Variants in CNTN5 observed in about 807,000 individuals in gnomAD.
CNTN5 encodes contactin 5.
CNTN5 carries 77 observed loss-of-function variants against 129.1 expected under a neutral mutation model. The observed-to-expected ratio is 0.60, with a 90% CI of 0.50 to 0.72. The LOEUF (loss-of-function observed/expected upper bound fraction) is 0.72. CNTN5 is among the 30% of genes least tolerant of loss of function. The pLI, the probability that CNTN5 is intolerant of heterozygous loss-of-function variation, is 0.00. For synonymous variants in CNTN5, 509 were observed against 465.6 expected, an observed-to-expected ratio of 1.09 and a Z score of -1.20; for missense variants, 1,478 against 1,328.8, an observed-to-expected ratio of 1.11 and a Z score of -1.75.
chr11:99,483,174 C>CAAAA (rs34200342), intron 2 of CNTN5, among the ~76,000 whole-genome samples: 13 of 59,552 alleles, frequency 2.2e-4, no homozygotes, highest in African/African-American at 8.2e-4. Context: ...GACTCCTTCT[C>CAAAA]AAAAAAAAAA....
chr11:99,729,228 T>A (rs964227242), intron 3 of CNTN5, among the ~76,000 whole-genome samples: 1 of 151,986 alleles, frequency 6.6e-6, no homozygotes, highest in African/African-American at 2.4e-5. Flanking sequence ...AAGTGGGTGA[T>A]GGGGGTGCCT....
At chr11:99,732,986 T>C (rs1301334619) in intron 3 of CNTN5, among the ~76,000 whole-genome samples, 2 of 152,154 alleles carry the variant, frequency 1.3e-5, no homozygotes, top group African/African-American at 4.8e-5. Flanking sequence ...AGGAATTTTT[T>C]CAGCGTATGA....
intron 13 of CNTN5, among the ~76,000 whole-genome samples, chr11:100,185,327 C>T (rs909520113): frequency 6.6e-6 from 1 of 152,074 alleles, no homozygotes; most frequent in East Asian, 1.9e-4. Context: ...ACTATTGTGA[C>T]ACACCCTGAT....
chr11:99,844,725 G>C, intron 4 of CNTN5, 127 bp from the exon 5 acceptor site: 1 of 799,818 alleles, frequency 1.3e-6, no homozygotes, highest in South Asian at 1.9e-5. Context: ...TCCTTCTTTT[G>C]GGAATTTACC....
intron 8 of CNTN5, among the ~76,000 whole-genome samples, chr11:99,993,451 CAA>C (rs1939250966): frequency 6.6e-6 from 1 of 152,092 alleles, no homozygotes; most frequent in African/African-American, 2.4e-5. Flanking sequence ...CACCAGGGAT[CAA>C]CTTCATGGAG....
In CNTN5 at chr11:99,252,899, T is replaced by C. The variant is rs1051314044; in HGVS notation, c.-209-72447T>C. Among the ~76,000 whole-genome samples the C allele has an allele frequency of 3.9e-5, 6 of 152,044 alleles. No homozygotes were observed. In the East Asian group the frequency reaches 1.2e-3, roughly 29 times the overall value. The stretch of plus-strand genomic sequence containing the variant: ...ATCTTTTCTTTATGGTTTGTACATT[T>C]TGTGTCTTCTTCATTAATATTCTTA... On this transcript the variant is annotated intron_variant, in intron 1 of 24. Coordinates refer to ENST00000524871, the MANE Select transcript of CNTN5 (RefSeq NM_014361.4).
In CNTN5 at chr11:99,542,709, T is replaced by A. The variant is rs114740206; in HGVS notation, c.-70-13436T>A. 6.2e-3 allele frequency among the ~76,000 whole-genome samples: 943 copies of A among 152,312 alleles called. 8 individuals are homozygous for A. Among genetic ancestry groups the A allele is most frequent in the African/African-American group, 0.021 (873 of 41,576 alleles). ...GGAAATAAGTAGCCTGGGCCACCCC[T>A]CTTTGTACATCCAGAGCCAAGATTG... On this transcript the variant is annotated intron_variant, in intron 2 of 24. Transcript: ENST00000524871.
In CNTN5 at chr11:99,145,968, T is replaced by C. The variant is rs956329253; in HGVS notation, c.-210+124698T>C. On this transcript the variant is annotated intron_variant, in intron 1 of 24. Transcript: ENST00000524871. ...ATTTTTTTTTTAGTGGTGGTAGATT[T>C]AGGTAGGCCATTTCTTTTCTATTCT... Among the ~76,000 whole-genome samples the C allele has an allele frequency of 3.9e-5, 6 of 152,220 alleles. No individual in the cohort carries two copies. The East Asian group carries it at 1.2e-3, about 29-fold the overall frequency.
chr11:100,012,949 G>A (rs949961035), intron 9 of CNTN5, among the ~76,000 whole-genome samples: 19 of 152,072 alleles, frequency 1.2e-4, no homozygotes, highest in African/African-American at 2.4e-4. Flanking sequence ...TGGGATGATC[G>A]TAAGATCAGC....
chr11:99,453,967 T>C (rs989459173), intron 2 of CNTN5, among the ~76,000 whole-genome samples: 3 of 152,306 alleles, frequency 2.0e-5, no homozygotes, highest in Non-Finnish European at 1.5e-5. Context: ...AAATGACATA[T>C]ATTTCTTCAG....
intron 3 of CNTN5, among the ~76,000 whole-genome samples, chr11:99,781,747 G>A (rs1474191059): frequency 6.6e-6 from 1 of 152,050 alleles, no homozygotes; most frequent in Non-Finnish European, 1.5e-5. Context: ...CTCAATAGAT[G>A]CAGAAAAGGC....
chr11:99,063,556 A>C (rs10892745), intron 1 of CNTN5, among the ~76,000 whole-genome samples: 2 of 151,710 alleles, frequency 1.3e-5, no homozygotes, highest in African/African-American at 2.4e-5. Context: ...AAATAAACGC[A>C]TGAGCATATG....
At chr11:99,117,613 A>G (rs1306435274) in intron 1 of CNTN5, among the ~76,000 whole-genome samples, 1 of 152,174 alleles carries the variant, frequency 6.6e-6, no homozygotes, top group Non-Finnish European at 1.5e-5. Context: ...TCCAAAATTC[A>G]TAGGTAGAAG....
chr11:99,951,841 A>G (rs1207756037), intron 7 of CNTN5, among the ~76,000 whole-genome samples: 1 of 152,156 alleles, frequency 6.6e-6, no homozygotes, highest in East Asian at 1.9e-4. Flanking sequence ...GAAAATTTGT[A>G]ATGAAGTTTA....
chr11:99,119,464 A>C (rs759619001), intron 1 of CNTN5, among the ~76,000 whole-genome samples: 1 of 152,162 alleles, frequency 6.6e-6, no homozygotes, highest in East Asian at 1.9e-4. Flanking sequence ...TTCAAAGGAC[A>C]TGATCTCATT....
chr11:99,783,737 G>A (rs1280337728), intron 3 of CNTN5, among the ~76,000 whole-genome samples: 15 of 148,804 alleles, frequency 1.0e-4, no homozygotes, highest in Non-Finnish European at 1.8e-4. Flanking sequence ...CCCAAACACC[G>A]CATATTCTCA....
intron 3 of CNTN5, among the ~76,000 whole-genome samples, chr11:99,793,922 A>G (rs767919640): frequency 6.6e-5 from 10 of 152,204 alleles, no homozygotes; most frequent in East Asian, 1.9e-4. Context: ...GTAGATGCCT[A>G]TTAGTTCCAT....
intron 3 of CNTN5, among the ~76,000 whole-genome samples, chr11:99,590,830 A>C (rs1014867515): frequency 6.6e-6 from 1 of 152,250 alleles, no homozygotes; most frequent in Non-Finnish European, 1.5e-5. Context: ...AAGTGCCACA[A>C]CACCAGGGAT....
At chr11:99,963,725 T>A (rs932146169) in intron 8 of CNTN5, among the ~76,000 whole-genome samples, 2 of 152,194 alleles carry the variant, frequency 1.3e-5, no homozygotes, top group African/African-American at 2.4e-5. Flanking sequence ...GGGGATGGCA[T>A]TGAATCTATA....
Sources: allele counts gnomAD v4.1 joint callset (sites outside exome capture counted in the v4.1 genomes callset), GRCh38; gene constraint gnomAD v4.1.1; transcripts MANE v1.5; gene names NCBI Gene and HGNC (gene_info 2026-07-23, HGNC 2026-07-21).